GYPC: variants seen among roughly 807,000 people sequenced by gnomAD.
GYPC encodes the protein glycophorin C (Gerbich blood group).
In GYPC, 14 loss-of-function variants were observed where a neutral mutation model predicts 12.6. The ratio of observed to expected loss-of-function variants is 1.11; its 90% CI spans 0.74 to 1.74. The LOEUF is 1.74. Ranked by LOEUF, GYPC falls within the 40% of genes most tolerant of loss-of-function variation. The pLI is 0.00. For synonymous variants in GYPC, 78 were observed against 62.1 expected (o/e 1.26, Z -1.20); for missense variants, 225 against 172.1 (o/e 1.31, Z -1.72).
chr2:126,676,760 G>T (rs2104787789), intron 1 of GYPC, among the ~76,000 whole-genome samples: 1 of 152,294 alleles, frequency 6.6e-6, no homozygotes, highest in South Asian at 2.1e-4. Flanking sequence ...GTGGCAGAGG[G>T]GTGGTGGGGC....
rs545820063 is a variant in GYPC, at chr2:126,689,279, G to A, written c.50-976G>A. Among the ~76,000 whole-genome samples, 18 of 152,258 alleles carry A rather than the reference G, an allele frequency of 1.2e-4. No homozygotes were observed. The South Asian group carries it at 1.2e-3, about 11-fold the overall frequency. On this transcript the variant is annotated intron_variant, in intron 1 of 3. Coordinates refer to ENST00000259254, the MANE Select transcript of GYPC (RefSeq NM_002101.5). ...ACTGGCCAAGTCCTGACCTGATACC[G>A]GATGAGCTGTGTGATCATGGGCACA...
chr2:126,668,244 T>C (rs1682741847), intron 1 of GYPC, among the ~76,000 whole-genome samples: 1 of 152,236 alleles, frequency 6.6e-6, no homozygotes, highest in Non-Finnish European at 1.5e-5. Flanking sequence ...AATTCTTAGA[T>C]GAAGTCTAGA....
At position 126,692,594 on chromosome 2, in the gene GYPC, T is replaced by C. The variant is rs141078692; in HGVS notation, c.107-1270T>C. ...ATTTCTGTGATCCAATAAATCCTTC[T>C]TCACAATCATCTCCCAGAGGAGAGA... On this transcript the variant is annotated intron_variant, in intron 2 of 3. Transcript: ENST00000259254. Among the ~76,000 whole-genome samples, 5 of 152,318 alleles carry C rather than the reference T, an allele frequency of 3.3e-5. No homozygotes were observed. The East Asian group carries it at 9.6e-4, about 29-fold the overall frequency.
intron 2 of GYPC, among the ~76,000 whole-genome samples, chr2:126,692,203 C>T (rs955344314): frequency 6.6e-6 from 1 of 152,072 alleles, no homozygotes; most frequent in African/African-American, 2.4e-5. Context: ...GTTCCTGGCT[C>T]CCGAGACCCA....
intron 1 of GYPC, among the ~76,000 whole-genome samples, chr2:126,687,946 G>A (rs1056163507): frequency 1.3e-5 from 2 of 152,184 alleles, no homozygotes; most frequent in African/African-American, 4.8e-5. Context: ...GCCCTGTAAG[G>A]CTAAACACAC....
In GYPC at chr2:126,696,287, G is replaced by C; in HGVS notation, c.*145G>C. 1 of 727,754 alleles carries C rather than the reference G, an allele frequency of 1.4e-6. No homozygotes were observed. The highest frequency in any genetic ancestry group is 2.4e-6 in the Non-Finnish European group (1 of 408,550). The allele number at this position is 727,754 out of a possible 1,614,324, so 45.1% of individuals were successfully genotyped here. A position where few individuals can be genotyped will look rare whatever the true frequency, so the allele number is the denominator to read the frequency against. ...CGAGATAGCCACCTGGAAACACTAG[G>C]TGCCTGCCCAGGGAGGAACGGAGGA... On this transcript the variant is annotated 3_prime_UTR_variant, in exon 4 of 4. Transcript: ENST00000259254.
intron 1 of GYPC, among the ~76,000 whole-genome samples, chr2:126,684,009 G>A (rs750379175): frequency 2.9e-4 from 44 of 152,142 alleles, no homozygotes; most frequent in Admixed American, 6.5e-5. Context: ...TTCTGTCATC[G>A]ATGTGGTGTT....
intron 1 of GYPC, chr2:126,658,499 T>A (rs1682435531): frequency 6.6e-6 from 1 of 152,234 alleles, no homozygotes; most frequent in African/African-American, 2.4e-5. Context: ...CAGACCTGTA[T>A]GTACATCTAT....
At chr2:126,686,524 T>C (rs1044107152) in intron 1 of GYPC, 5 of 985,338 alleles carry the variant, frequency 5.1e-6, no homozygotes, top group Non-Finnish European at 6.0e-6. Flanking sequence ...TTTAGTTGGT[T>C]CGTGGTTCCC....
rs989240540 is a variant in GYPC at position 126,693,810 on chromosome 2, C to G, written c.107-54C>G. 77 of 1,205,386 alleles carry G rather than the reference C, an allele frequency of 6.4e-5. 1 individual carries two copies. The South Asian group carries it at 8.2e-4, about 13-fold the overall frequency. 74.7% of individuals were successfully genotyped at this position (1,205,386 alleles called of 1,614,324 possible). On this transcript the variant is annotated intron_variant, in intron 2 of 3. Coordinates refer to ENST00000259254, the MANE Select transcript of GYPC (RefSeq NM_002101.5). ...GGATGCAGCTTGGGCCAAGGTGCTG[C>G]TAGGCATGGAGAATCTTCCTCTCTG...
chr2:126,678,079 G>A (rs755370702), intron 1 of GYPC, among the ~76,000 whole-genome samples: 33 of 152,052 alleles, frequency 2.2e-4, no homozygotes, highest in African/African-American at 7.2e-4. Flanking sequence ...AAAATTAGCC[G>A]GCCCTGGTGG....
At position 126,690,308 on chromosome 2, in the gene GYPC, GC is replaced by G; in HGVS notation, c.104del (p.Ala35GlufsTer22). ...ASTTMHTTTI[A>X]EPDPGMSGWP... ...CACCACAATGCATACTACCACCATT[GC>G]AGGTGAGTTCTCATCACAGAGCCTC... On this transcript the variant is annotated frameshift_variant and splice_region_variant, in exon 2 of 4. Transcript: ENST00000259254. LOFTEE classifies it high-confidence loss of function. The G allele has an allele frequency of 6.2e-7, 1 of 1,608,664 alleles. No individual in the cohort carries two copies. Among genetic ancestry groups the G allele is most frequent in the South Asian group, 1.1e-5 (1 of 90,984 alleles).
At chr2:126,677,412 AGT>A (rs748383877) in intron 1 of GYPC, among the ~76,000 whole-genome samples, 4 of 148,476 alleles carry the variant, frequency 2.7e-5, no homozygotes, top group Non-Finnish European at 5.9e-5. Flanking sequence ...AGAGTGTGTA[AGT>A]GTGTGAGAGA....
At chr2:126,695,897 C>T (rs750350106) in intron 3 of GYPC, 49 bp from the exon 4 acceptor site, 4 of 1,495,018 alleles carry the variant, frequency 2.7e-6, no homozygotes, top group East Asian at 4.5e-5. Context: ...CATCCCAGGC[C>T]CCAGAGCCCC....
rs1026177038 is a variant in GYPC at position 126,690,379 on chromosome 2, G to A, written c.106+68G>A. 2.5e-6 allele frequency: 3 copies of A among 1,189,048 alleles called. No individual in the cohort carries two copies. The African/African-American group carries it at 4.5e-5, about 18-fold the overall frequency. 73.7% of individuals were successfully genotyped at this position (1,189,048 alleles called of 1,614,324 possible). A position where few individuals can be genotyped will look rare whatever the true frequency, so the allele number is the denominator to read the frequency against. ...TGACTTCAGATGAGCTCTCATCACA[G>A]AGCCCTTTAAGCAGCCAGGGTTGGG... On this transcript the variant is annotated intron_variant, in intron 2 of 3. Transcript: ENST00000259254.
At chr2:126,689,885 C>T (rs1045283430) in intron 1 of GYPC, among the ~76,000 whole-genome samples, 21 of 152,224 alleles carry the variant, frequency 1.4e-4, no homozygotes, top group African/African-American at 4.6e-4. Context: ...GCATCAGACA[C>T]TCCACAAACA....
At chr2:126,682,436 GGGA>G (rs1215819575) in intron 1 of GYPC, among the ~76,000 whole-genome samples, 1 of 152,182 alleles carries the variant, frequency 6.6e-6, no homozygotes, top group Non-Finnish European at 1.5e-5. Flanking sequence ...GGGTAGACAG[GGGA>G]CACGCAGAAG....
intron 1 of GYPC, chr2:126,686,570 G>A: frequency 1.0e-6 from 1 of 983,782 alleles, no homozygotes; most frequent in Non-Finnish European, 1.2e-6. Context: ...TTGTCATTCA[G>A]TGCCAGGCAC....
chr2:126,694,868 C>G (rs1339884777), intron 3 of GYPC, among the ~76,000 whole-genome samples: 4 of 151,884 alleles, frequency 2.6e-5, no homozygotes, highest in East Asian at 1.9e-4. Context: ...CCCCATGAGA[C>G]TGCTGCCCCC....
Sources: gnomAD v4.1 joint callset for allele counts (sites outside exome capture counted in the v4.1 genomes callset) on GRCh38, gnomAD v4.1.1 for gene constraint, MANE v1.5 for transcripts, NCBI Gene and HGNC (gene_info 2026-07-23, HGNC 2026-07-21) for gene names.